Variants in SLCO3A1 observed in about 807,000 individuals in gnomAD.
SLCO3A1 encodes the protein PGE1 transporter.
SLCO3A1 carries 27 observed loss-of-function variants against 63.1 expected under a neutral mutation model. The observed-to-expected ratio is 0.43, with a 90% CI of 0.32 to 0.59. The LOEUF (loss-of-function observed/expected upper bound fraction) is 0.59. Ranked by LOEUF, SLCO3A1 falls within the 20% of genes least tolerant of loss-of-function variation. SLCO3A1 has a pLI of 0.09. For missense variants in SLCO3A1, 773 were observed against 945.8 expected (o/e 0.82, Z 2.40); for synonymous variants, 473 against 409.9 (o/e 1.15, Z -1.86).
rs2151605133 is a variant in SLCO3A1 at position 92,162,965 on chromosome 15, T to C, written c.1963T>C (p.Tyr655His). Residue 655 changes from tyrosine (Y) to histidine (H), a missense_variant, in exon 10 of 10, where the codon TAC becomes CAC. Physicochemically the swap from Tyr to His is moderately conservative, Grantham distance 83. Transcript: ENST00000318445. ...GTGCCTGAGGAAAAACTATAAACGCTACATCAAAAACCACGAGGGCGGGCT... is the reference window on the plus strand; with the variant it reads ...GTGCCTGAGGAAAAACTATAAACGCCACATCAAAAACCACGAGGGCGGGCT... ...WQCLRKNYKR[Y>H]IKNHEGGLST... 6.2e-7 allele frequency: 1 copy of C among 1,614,090 alleles called. No homozygotes were observed. The highest frequency in any genetic ancestry group is 8.5e-7 in the Non-Finnish European group (1 of 1,180,008).
chr15:91,920,649 C>T (rs549316076), intron 2 of SLCO3A1, among the ~76,000 whole-genome samples: 1 of 152,284 alleles, frequency 6.6e-6, no homozygotes, highest in South Asian at 2.1e-4. Context: ...GTGTGGGCGC[C>T]ATACCTTCAC....
chr15:92,002,741 A>G (rs2046269879), intron 2 of SLCO3A1, among the ~76,000 whole-genome samples: 1 of 152,228 alleles, frequency 6.6e-6, no homozygotes, highest in African/African-American at 2.4e-5. Flanking sequence ...ATATTCTATA[A>G]TATTTGAATT....
intron 2 of SLCO3A1, among the ~76,000 whole-genome samples, chr15:91,974,615 C>G (rs918487423): frequency 6.6e-6 from 1 of 151,620 alleles, no homozygotes; most frequent in East Asian, 1.9e-4. Flanking sequence ...GGCAGGGAGG[C>G]GGGAGGTGGG....
At chr15:92,151,070 A>G in intron 9 of SLCO3A1, 56 bp downstream of exon 9, 1 of 1,137,144 alleles carries the variant, frequency 8.8e-7, no homozygotes, top group Non-Finnish European at 1.3e-6. Flanking sequence ...TTACTAGGTG[A>G]GTAACTGTCA....
At chr15:91,951,291 C>T (rs567450641) in intron 2 of SLCO3A1, among the ~76,000 whole-genome samples, 3 of 152,270 alleles carry the variant, frequency 2.0e-5, no homozygotes, top group South Asian at 4.1e-4. Context: ...CTTTTCTGGA[C>T]ATTTAATATA....
intron 2 of SLCO3A1, among the ~76,000 whole-genome samples, chr15:91,963,424 C>T (rs1900537173): frequency 7.8e-6 from 1 of 127,890 alleles, no homozygotes; most frequent in Non-Finnish European, 1.7e-5. Flanking sequence ...GGGGGGGCGG[C>T]AGCAGCCTGG....
intron 2 of SLCO3A1, among the ~76,000 whole-genome samples, chr15:91,972,931 G>A (rs1900936098): frequency 6.6e-6 from 1 of 152,184 alleles, no homozygotes; most frequent in Non-Finnish European, 1.5e-5. Context: ...GACCATCCTG[G>A]CCAATATAGT....
chr15:92,120,656 A>C lies in SLCO3A1; in HGVS notation c.1174+27A>C, dbSNP rs1289904168. 6 of 1,488,352 alleles carry C rather than the reference A, an allele frequency of 4.0e-6. No individual in the cohort carries two copies. In the South Asian group the frequency reaches 5.7e-5, roughly 14 times the overall value. The allele number at this position is 1,488,352 out of a possible 1,614,324, so 92.2% of individuals were successfully genotyped here. ...TGAGTGTGTCCTCAGGCCTCCTGAG[A>C]GGGTCGGGGGAGGGTGTCCTGTGTG... On this transcript the variant is annotated intron_variant, in intron 5 of 9. Transcript: ENST00000318445.
intron 2 of SLCO3A1, among the ~76,000 whole-genome samples, chr15:91,944,084 G>A (rs7179786): frequency 0.65 from 99,280 of 152,088 alleles, 33,202 homozygotes; most frequent in East Asian, 0.97. Flanking sequence ...TGGGCACATT[G>A]CACAACCTCA....
At chr15:91,926,597 G>GTGTGCGCGCGCA in intron 2 of SLCO3A1, among the ~76,000 whole-genome samples, 1 of 31,854 alleles carries the variant, frequency 3.1e-5, no homozygotes, top group Non-Finnish European at 6.9e-5. Flanking sequence ...GTGTGTGTGT[G>GTGTGCGCGCGCA]CGCGCGCGCA....
chr15:92,080,865 G>A (rs7176796), intron 2 of SLCO3A1, among the ~76,000 whole-genome samples: 2,257 of 151,926 alleles, frequency 0.015, 49 homozygotes, highest in African/African-American at 0.052. Context: ...TCTTCCTTTA[G>A]CCCATGTGCC....
At chr15:91,928,043 A>G (rs1288243740) in intron 2 of SLCO3A1, among the ~76,000 whole-genome samples, 2 of 152,252 alleles carry the variant, frequency 1.3e-5, no homozygotes, top group African/African-American at 2.4e-5. Context: ...TAAAAAGGCT[A>G]TTAGGCAGTA....
Position 91,948,429 on chromosome 15 carries a change from C to T in SLCO3A1, c.646+31971C>T, listed in dbSNP as rs1431568390. ...ATTCCTGCAGATAAGCCTACAGGCT[C>T]TGTAGGAGTGCCGGCATGCACACAG... On this transcript the variant is annotated intron_variant, in intron 2 of 9. Coordinates refer to ENST00000318445, the MANE Select transcript of SLCO3A1 (RefSeq NM_013272.4). This position sits in a 1 kb window ranked among gnomAD's most constrained non-coding sequence, Gnocchi z 4.8. Among the ~76,000 whole-genome samples, 1 of 152,220 alleles carries T rather than the reference C, an allele frequency of 6.6e-6. No individual in the cohort carries two copies. The highest frequency in any genetic ancestry group is 2.4e-5 in the African/African-American group (1 of 41,460).
In SLCO3A1 at chr15:92,151,011, T is replaced by C. The variant is rs1339928267; in HGVS notation, c.1750T>C (p.Leu584=). The change falls in exon 9 of 10, where the codon TTG becomes CTG. Residue 584 remains leucine (L), a synonymous_variant. Transcript: ENST00000318445. ...LGVLFLLLRL[L]GFIPPPLIFG... Reference sequence around the variant, plus strand: ...AGTTCTTTTTCTCCTCCTTCGTTTGTTGGGTATGTATTATCTCTTTATTTC... The same window carrying C: ...AGTTCTTTTTCTCCTCCTTCGTTTGCTGGGTATGTATTATCTCTTTATTTC... 1 of 1,608,528 alleles carries C rather than the reference T, an allele frequency of 6.2e-7. No homozygotes were observed. Among genetic ancestry groups the C allele is most frequent in the East Asian group, 2.2e-5 (1 of 44,804 alleles).
chr15:92,074,996 C>T (rs1440861104), intron 2 of SLCO3A1, among the ~76,000 whole-genome samples: 1 of 152,146 alleles, frequency 6.6e-6, no homozygotes, highest in African/African-American at 2.4e-5. Flanking sequence ...GGGGACTCTC[C>T]AGTCTGCCTT....
chr15:92,041,028 C>A (rs1221695659), intron 2 of SLCO3A1, among the ~76,000 whole-genome samples: 1 of 152,134 alleles, frequency 6.6e-6, no homozygotes, highest in East Asian at 1.9e-4. Flanking sequence ...GACTTTCTGC[C>A]TCCTTCATGA....
chr15:91,854,664 G>C lies in SLCO3A1; in HGVS notation c.180+576G>C, dbSNP rs12907294. 0.26 allele frequency among the ~76,000 whole-genome samples: 39,719 copies of C among 152,034 alleles called. 5,425 individuals carry two copies. Among genetic ancestry groups the C allele is most frequent in the African/African-American group, 0.33 (13,502 of 41,434 alleles). On this transcript the variant is annotated intron_variant, in intron 1 of 9. Coordinates refer to ENST00000318445, the MANE Select transcript of SLCO3A1 (RefSeq NM_013272.4). This position sits in a 1 kb window ranked among gnomAD's most constrained non-coding sequence, Gnocchi z 6.4. ...GAGCCGGGGCTGCAGGGGGAATATT[G>C]CCACCCGGTATCCCTATAGCCCTCT...
intron 4 of SLCO3A1, among the ~76,000 whole-genome samples, chr15:92,116,570 G>A (rs74613354): frequency 0.018 from 2,728 of 152,326 alleles, 36 homozygotes; most frequent in Middle Eastern, 0.048. Context: ...TCAATGGCCT[G>A]GTGTGGCCTT....
chr15:91,869,261 C>A lies in SLCO3A1; in HGVS notation c.180+15173C>A, dbSNP rs568069515. ...ACAAAAAATTTAAAAATTAGCTGAG[C>A]ATGGTGGCTTATGTCTGTAATCCCA... On this transcript the variant is annotated intron_variant, in intron 1 of 9. Transcript: ENST00000318445. Among the ~76,000 whole-genome samples, 3 of 152,124 alleles carry A rather than the reference C, an allele frequency of 2.0e-5. No homozygotes were observed. In the South Asian group the frequency reaches 6.2e-4, roughly 32 times the overall value.
Sources: gnomAD v4.1 joint callset for allele counts (sites outside exome capture counted in the v4.1 genomes callset) on GRCh38, gnomAD v4.1.1 for gene constraint, Gnocchi (gnomAD v3.1) non-coding constraint, MANE v1.5 for transcripts, NCBI Gene and HGNC (gene_info 2026-07-23, HGNC 2026-07-21) for gene names.